SLCO5A1: variants seen among roughly 807,000 people sequenced by gnomAD.
The protein encoded by SLCO5A1 is solute carrier organic anion transporter family member 5A1, also known as organic anion transporter polypeptide-related protein 4.
SLCO5A1 carries 39 observed loss-of-function variants against 65.1 expected under a neutral mutation model. That is an observed-to-expected ratio of 0.60 (90% CI 0.46 to 0.78). The LOEUF (loss-of-function observed/expected upper bound fraction) is 0.78, where lower values mean the gene tolerates loss of function less well. Among genes scored for constraint, SLCO5A1 ranks in the 30% least tolerant of loss-of-function variants. SLCO5A1 has a pLI of 0.00. For synonymous variants in SLCO5A1, 438 were observed against 415.7 expected, an observed-to-expected ratio of 1.05 and a Z score of -0.65; for missense variants, 1,029 against 1,069.4, an observed-to-expected ratio of 0.96 and a Z score of 0.53.
At position 69,755,522 on chromosome 8, in the gene SLCO5A1, T is replaced by C; in HGVS notation, c.1160A>G (p.Asp387Gly). ...CAGAACATCGTCATCACTAACAGCA[T>C]CAACAGAAAATTTTTTCTTTTTCTT... Reference protein sequence around the residue: ...KKKKKKKFSVDAVSDDDVLKE... With the variant: ...KKKKKKKFSVGAVSDDDVLKE... Residue 387 changes from aspartate (D) to glycine (G), a missense_variant, in exon 4 of 10, where the codon GAT becomes GGT. Coordinates refer to ENST00000260126, the MANE Select transcript of SLCO5A1 (RefSeq NM_030958.3). 2.5e-6 allele frequency: 4 copies of C among 1,614,128 alleles called. No individual in the cohort carries two copies. Among genetic ancestry groups the C allele is most frequent in the Non-Finnish European group, 3.4e-6 (4 of 1,179,982 alleles).
At chr8:69,765,813 C>G (rs757935122) in intron 2 of SLCO5A1, among the ~76,000 whole-genome samples, 5 of 152,138 alleles carry the variant, frequency 3.3e-5, no homozygotes, top group Non-Finnish European at 7.3e-5. Flanking sequence ...CCTCACCATA[C>G]TCTGCCTGGG....
chr8:69,761,698 T>C, intron 3 of SLCO5A1, 45 bp downstream of exon 3: 2 of 1,591,798 alleles, frequency 1.3e-6, no homozygotes, highest in Non-Finnish European at 1.7e-6. Context: ...ACTTTAACTA[T>C]TATTAGTAAG....
rs371888202 is a variant in SLCO5A1, at chr8:69,672,952, G to A, written c.2464C>T (p.Pro822Ser). ...CTTATTGCTTCTGGGAAGGGCCCCG[G>A]GTAGGTCTGTGCTGCGCACTGGATC... Reference protein sequence around the residue: ...KGIQCAAQTYPGPFPEAISSS... With the variant: ...KGIQCAAQTYSGPFPEAISSS... Residue 822 changes from proline to serine, a missense_variant, in exon 10 of 10, where the codon CCG (proline) becomes TCG (serine). Pro to Ser is a moderately conservative substitution (Grantham distance 74). This residue lies in a region of SLCO5A1 where 258 missense variants were observed against 237.4 expected (regional missense o/e 1.09). Transcript: ENST00000260126. 1.9e-6 allele frequency: 3 copies of A among 1,614,082 alleles called. No individual in the cohort carries two copies. Among genetic ancestry groups the A allele is most frequent in the African/African-American group, 1.3e-5 (1 of 74,930 alleles).
chr8:69,823,420 G>A (rs1429525036), intron 2 of SLCO5A1, among the ~76,000 whole-genome samples: 1 of 152,146 alleles, frequency 6.6e-6, no homozygotes, highest in Non-Finnish European at 1.5e-5. Context: ...AAAATAAAAG[G>A]ATGGAGGAAG....
At chr8:69,787,269 G>A (rs1049125305) in intron 2 of SLCO5A1, among the ~76,000 whole-genome samples, 2 of 152,144 alleles carry the variant, frequency 1.3e-5, no homozygotes, top group Non-Finnish European at 2.9e-5. Flanking sequence ...TGATTTTCCC[G>A]CATTGGAAGT....
intron 2 of SLCO5A1, among the ~76,000 whole-genome samples, chr8:69,820,801 T>C (rs1820601978): frequency 6.6e-6 from 1 of 152,152 alleles, no homozygotes; most frequent in Non-Finnish European, 1.5e-5. Context: ...TATGTGTACA[T>C]AGACATATAC....
intron 2 of SLCO5A1, among the ~76,000 whole-genome samples, chr8:69,784,109 C>T (rs1818913488): frequency 6.6e-6 from 1 of 152,090 alleles, no homozygotes; most frequent in African/African-American, 2.4e-5. Context: ...AGATTAAAGT[C>T]TATTTTTTAG....
intron 2 of SLCO5A1, among the ~76,000 whole-genome samples, chr8:69,802,800 T>G (rs562657055): frequency 1.3e-5 from 2 of 152,268 alleles, no homozygotes; most frequent in Non-Finnish European, 2.9e-5. Flanking sequence ...CAAAGAGACC[T>G]ACTTTATTTG....
chr8:69,732,820 C>T (rs1816393672), intron 5 of SLCO5A1, among the ~76,000 whole-genome samples: 1 of 151,844 alleles, frequency 6.6e-6, no homozygotes, highest in Non-Finnish European at 1.5e-5. Context: ...ACCCAAGAGG[C>T]AGAGGTTGCA....
At chr8:69,746,181 T>A (rs1817020921) in intron 4 of SLCO5A1, among the ~76,000 whole-genome samples, 1 of 152,154 alleles carries the variant, frequency 6.6e-6, no homozygotes, top group Admixed American at 6.5e-5. Context: ...GCATCCTGAG[T>A]TCTTAGTCCT....
intron 5 of SLCO5A1, among the ~76,000 whole-genome samples, chr8:69,715,644 A>G (rs973059857): frequency 1.3e-5 from 2 of 152,238 alleles, no homozygotes; most frequent in African/African-American, 2.4e-5. Flanking sequence ...AAGTCTGCAC[A>G]TCTGAACTAT....
intron 2 of SLCO5A1, among the ~76,000 whole-genome samples, chr8:69,768,894 C>T (rs973791266): frequency 1.1e-4 from 17 of 152,244 alleles, no homozygotes; most frequent in African/African-American, 3.4e-4. Context: ...CTTCACTGCT[C>T]GTCTAACATG....
chr8:69,668,189 G>A lies in SLCO5A1; in HGVS notation c.*4680C>T, dbSNP rs1813236278. On this transcript the variant is annotated 3_prime_UTR_variant, in exon 10 of 10. Transcript: ENST00000260126. Reference sequence around the variant, plus strand: ...AACCTCCTCAAACATACACAGATCTGATTCTAATGCAACAAGAAGTTTGGG... The same window carrying A: ...AACCTCCTCAAACATACACAGATCTAATTCTAATGCAACAAGAAGTTTGGG... The A allele has an allele frequency of 6.6e-6, 1 of 152,156 alleles. No individual in the cohort carries two copies. The highest frequency in any genetic ancestry group is 1.5e-5 in the Non-Finnish European group (1 of 68,044). 9.4% of individuals were successfully genotyped at this position (152,156 alleles called of 1,614,324 possible). A position where few individuals can be genotyped will look rare whatever the true frequency, so the allele number is the denominator to read the frequency against.
chr8:69,807,905 A>G (rs1008493672), intron 2 of SLCO5A1, among the ~76,000 whole-genome samples: 1 of 151,964 alleles, frequency 6.6e-6, no homozygotes, highest in Non-Finnish European at 1.5e-5. Context: ...GGGTTTCACC[A>G]TGTTAGCCAG....
At chr8:69,750,291 C>CT in intron 4 of SLCO5A1, among the ~76,000 whole-genome samples, 1 of 152,192 alleles carries the variant, frequency 6.6e-6, no homozygotes. Flanking sequence ...GGCTGCTGTC[C>CT]TTTCCTTCTC....
chr8:69,769,923 CA>C (rs1818242936), intron 2 of SLCO5A1, among the ~76,000 whole-genome samples: 1 of 152,068 alleles, frequency 6.6e-6, no homozygotes, highest in South Asian at 2.1e-4. Context: ...CTCAAGAGCA[CA>C]AAAAATAATT....
intron 2 of SLCO5A1, among the ~76,000 whole-genome samples, chr8:69,802,078 C>T (rs961602218): frequency 7.9e-5 from 12 of 152,112 alleles, no homozygotes; most frequent in South Asian, 4.2e-4. Flanking sequence ...CATCAGTCTA[C>T]GAGGTGATTG....
intron 2 of SLCO5A1, among the ~76,000 whole-genome samples, chr8:69,784,928 A>C (rs1233604606): frequency 1.4e-5 from 2 of 143,876 alleles, no homozygotes; most frequent in Admixed American, 1.4e-4. Flanking sequence ...GAAAGAAAGA[A>C]AGAAAGAAAG....
chr8:69,812,565 G>A (rs1011843058), intron 2 of SLCO5A1, among the ~76,000 whole-genome samples: 9 of 152,168 alleles, frequency 5.9e-5, no homozygotes, highest in African/African-American at 1.4e-4. Context: ...CAGAATCCAC[G>A]TGAGGGCCCT....
Sources: allele counts gnomAD v4.1 joint callset (sites outside exome capture counted in the v4.1 genomes callset), GRCh38; gene constraint gnomAD v4.1.1; regional missense constraint gnomAD v4.1.1; transcripts MANE v1.5; gene names NCBI Gene and HGNC (gene_info 2026-07-23, HGNC 2026-07-21).